The following TJP2 variants were observed in gnomAD, a reference collection of about 807,000 sequenced individuals.
TJP2 encodes the protein tight junction protein 2, also known as Friedreich ataxia region gene X104 (tight junction protein ZO-2).
Under a neutral mutation model 133.1 loss-of-function variants are expected in TJP2, and 91 were observed. That is an observed-to-expected ratio of 0.68 (90% CI 0.58 to 0.81). TJP2 has a LOEUF of 0.81. Among genes scored for constraint, TJP2 ranks in the 40% least tolerant of loss-of-function variants. The pLI is 0.00. For synonymous variants in TJP2, 592 were observed against 583.4 expected, an observed-to-expected ratio of 1.01 and a Z score of -0.21; for missense variants, 1,541 against 1,565.6, an observed-to-expected ratio of 0.98 and a Z score of 0.26.
intron 1 of TJP2, chr9:69,204,947 A>C: frequency 1.5e-6 from 2 of 1,293,250 alleles, no homozygotes; most frequent in Non-Finnish European, 2.0e-6. Flanking sequence ...GAAGTGGTGC[A>C]AATCCAAACT....
intron 1 of TJP2, among the ~76,000 whole-genome samples, chr9:69,145,029 C>T (rs1220360924): frequency 6.6e-6 from 1 of 152,114 alleles, no homozygotes; most frequent in South Asian, 2.1e-4. Context: ...CCTCTCCAAA[C>T]GATATATTTT....
chr9:69,185,360 C>A (rs1478884381), intron 1 of TJP2, among the ~76,000 whole-genome samples: 1 of 152,188 alleles, frequency 6.6e-6, no homozygotes, highest in Admixed American at 6.5e-5. Flanking sequence ...CCGTGTCCGA[C>A]CCAGACTGAT....
At chr9:69,172,033 G>C (rs972850258), upstream of TJP2, among the ~76,000 whole-genome samples, 1 of 152,096 alleles carries the variant, frequency 6.6e-6, no homozygotes, top group African/African-American at 2.4e-5. Flanking sequence ...TTGACCTCGC[G>C]ATCTGTCCGC....
At chr9:69,181,339 C>G (rs1005092931) in intron 1 of TJP2, among the ~76,000 whole-genome samples, 1 of 145,062 alleles carries the variant, frequency 6.9e-6, no homozygotes, top group Admixed American at 7.3e-5. Context: ...ACGTCTGCCT[C>G]CTAGGTTCAA....
At chr9:69,203,115 A>C (rs1827116911) in intron 1 of TJP2, among the ~76,000 whole-genome samples, 1 of 151,986 alleles carries the variant, frequency 6.6e-6, no homozygotes, top group Non-Finnish European at 1.5e-5. Flanking sequence ...TGTCAGAGTG[A>C]AGGAGTGGGC....
rs10543289 is a variant in TJP2 at position 69,152,817 on chromosome 9, C to CTTT, written c.-10+1075_-10+1077dup. ...TTACTGAAATGTTCTCTCTGGAGCTCTTTTTTTTTTTTTTTTTTTTTTTTT... is the reference window on the plus strand; with the variant it reads ...TTACTGAAATGTTCTCTCTGGAGCTCTTTTTTTTTTTTTTTTTTTTTTTTTTTT... On this transcript the variant is annotated intron_variant, in intron 2 of 5. Transcript: ENST00000423935. 9.0e-3 allele frequency among the ~76,000 whole-genome samples: 431 copies of CTTT among 48,050 alleles called. 65 individuals are homozygous for CTTT. Among genetic ancestry groups the CTTT allele is most frequent in the Non-Finnish European group, 0.013 (338 of 25,234 alleles). The allele number at this position is 48,050 out of a possible 152,430, so 31.5% of individuals were successfully genotyped here. A position where few individuals can be genotyped will look rare whatever the true frequency, so the allele number is the denominator to read the frequency against.
chr9:69,249,697 C>T (rs1044561202), intron 20 of TJP2: 1 of 985,238 alleles, frequency 1.0e-6, no homozygotes, highest in African/African-American at 1.7e-5. Flanking sequence ...ATTAGGAGAG[C>T]ATATGATTTT....
chr9:69,249,155 T>A (rs1831145277), intron 19 of TJP2: 1 of 985,360 alleles, frequency 1.0e-6, no homozygotes, highest in South Asian at 4.7e-5. Context: ...TCTTAAAAAA[T>A]TGTGCTTTAA....
At chr9:69,229,741 G>A (rs902015096) in intron 10 of TJP2, among the ~76,000 whole-genome samples, 2 of 152,314 alleles carry the variant, frequency 1.3e-5, no homozygotes, top group East Asian at 1.9e-4. Flanking sequence ...TACCCAGACT[G>A]TGTCTTTATT....
intron 11 of TJP2, among the ~76,000 whole-genome samples, chr9:69,233,321 G>A (rs1235571041): frequency 6.6e-6 from 1 of 152,154 alleles, no homozygotes. Context: ...CATTACTCTT[G>A]TGATTAAAAG....
At chr9:69,139,947 C>T (rs1396129642) in intron 1 of TJP2, among the ~76,000 whole-genome samples, 2 of 152,216 alleles carry the variant, frequency 1.3e-5, no homozygotes, top group Non-Finnish European at 2.9e-5. Context: ...CTGTCTGGAG[C>T]CAAACCTTCG....
At chr9:69,175,557 T>G (rs931006889) in intron 1 of TJP2, among the ~76,000 whole-genome samples, 3 of 152,202 alleles carry the variant, frequency 2.0e-5, no homozygotes, top group African/African-American at 7.2e-5. Flanking sequence ...ATATCCTGCT[T>G]GAGAGGATGA....
intron 1 of TJP2, among the ~76,000 whole-genome samples, chr9:69,139,998 C>T (rs936446663): frequency 1.3e-5 from 2 of 152,148 alleles, no homozygotes; most frequent in African/African-American, 4.8e-5. Context: ...GCGTTGGGGG[C>T]AGGCTTAGAT....
rs1299894382 is a variant in TJP2, at chr9:69,239,927, T to G, written c.2356-10T>G. 1.2e-6 allele frequency: 2 copies of G among 1,612,658 alleles called. No individual in the cohort carries two copies. The highest frequency in any genetic ancestry group is 3.3e-5 in the Admixed American group (2 of 60,030). ...ATCCATTTCTCTAACTTTTCCCCTT[T>G]TGTAAACAGGATAAGCATGCACTAC... On this transcript the variant is annotated splice_polypyrimidine_tract_variant and intron_variant, in intron 16 of 22. Transcript: ENST00000377245.
intron 1 of TJP2, among the ~76,000 whole-genome samples, chr9:69,151,064 C>T (rs1390885009): frequency 6.6e-6 from 1 of 152,112 alleles, no homozygotes; most frequent in Non-Finnish European, 1.5e-5. Flanking sequence ...ATAGATAAAT[C>T]TATAGAGTAA....
chr9:69,154,750 C>A (rs1446115839), intron 2 of TJP2, among the ~76,000 whole-genome samples: 1 of 151,050 alleles, frequency 6.6e-6, no homozygotes. Context: ...CATAAGGAGA[C>A]CCTGTCTCTT....
At chr9:69,248,278 ACT>A (rs1463916192) in intron 19 of TJP2, 54 bp downstream of exon 19, 1 of 1,534,682 alleles carries the variant, frequency 6.5e-7, no homozygotes, top group Non-Finnish European at 8.8e-7. Flanking sequence ...TTTTCCTTGC[ACT>A]CTCGTGGACA....
At chr9:69,246,904 G>A in intron 18 of TJP2, 114 bp downstream of exon 18, 1 of 945,212 alleles carries the variant, frequency 1.1e-6, no homozygotes, top group Non-Finnish European at 1.7e-6. Context: ...TCACATGTGT[G>A]CTAATCAAGT....
chr9:69,159,115 G>A (rs968080561), intron 2 of TJP2, among the ~76,000 whole-genome samples: 9 of 151,842 alleles, frequency 5.9e-5, no homozygotes, highest in African/African-American at 2.2e-4. Context: ...GACCAACCTG[G>A]GCAACATGGA....
Sources: allele counts gnomAD v4.1 joint callset (sites outside exome capture counted in the v4.1 genomes callset), GRCh38; gene constraint gnomAD v4.1.1; transcripts MANE v1.5; gene names NCBI Gene and HGNC (gene_info 2026-07-23, HGNC 2026-07-21).